ADAM28: variants seen among roughly 807,000 people sequenced by gnomAD.
The protein encoded by ADAM28 is disintegrin and metalloproteinase domain-containing protein 28.
Under a neutral mutation model 101.2 loss-of-function variants are expected in ADAM28, and 105 were observed. The ratio of observed to expected loss-of-function variants is 1.04; its 90% CI spans 0.89 to 1.22. ADAM28 has a LOEUF of 1.22. Among genes scored for constraint, ADAM28 ranks in the 50% most tolerant of loss-of-function variants. The pLI, the probability that ADAM28 is intolerant of heterozygous loss-of-function variation, is 0.00. For synonymous variants in ADAM28, 322 were observed against 310.6 expected (o/e 1.04, Z -0.39); for missense variants, 1,028 against 945.4 (o/e 1.09, Z -1.15).
At chr8:24,312,477 A>T (rs913972654) in intron 5 of ADAM28, among the ~76,000 whole-genome samples, 3 of 152,032 alleles carry the variant, frequency 2.0e-5, no homozygotes, top group Non-Finnish European at 4.4e-5. Context: ...ACGATATCCT[A>T]GTCCATCTAC....
At chr8:24,351,010 G>A (rs956903356) in intron 19 of ADAM28, among the ~76,000 whole-genome samples, 4 of 152,046 alleles carry the variant, frequency 2.6e-5, no homozygotes, top group South Asian at 2.1e-4. Context: ...TTAGAAGTCA[G>A]GGGTTTTTGG....
intron 13 of ADAM28, among the ~76,000 whole-genome samples, chr8:24,333,063 G>C (rs1275917257): frequency 1.3e-5 from 2 of 152,128 alleles, no homozygotes; most frequent in Non-Finnish European, 2.9e-5. Context: ...AAATAAGCCA[G>C]CATAGAAAGA....
rs111848719 is a variant in ADAM28 at position 24,329,884 on chromosome 8, T to A, written c.973-101T>A. The A allele has an allele frequency of 6.6e-3, 4,665 of 709,396 alleles. 57 individuals are homozygous for A. The Admixed American group carries it at 0.07, about 11-fold the overall frequency. The allele number at this position is 709,396 out of a possible 1,614,324, so 43.9% of individuals were successfully genotyped here. ...GTGTGTGTGTTTGTGTGTGTGTGTGTGTGAGAGAGAGAGAGAGAGAGAGAG... is the reference window on the plus strand; with the variant it reads ...GTGTGTGTGTTTGTGTGTGTGTGTGAGTGAGAGAGAGAGAGAGAGAGAGAG... On this transcript the variant is annotated intron_variant, in intron 10 of 22. Transcript: ENST00000265769.
intron 2 of ADAM28, among the ~76,000 whole-genome samples, chr8:24,306,384 ATTT>A (rs1809678468): frequency 1.5e-5 from 2 of 135,382 alleles, no homozygotes; most frequent in African/African-American, 2.9e-5. Context: ...ATATATATAT[ATTT>A]AAAAATATAT....
intron 2 of ADAM28, among the ~76,000 whole-genome samples, chr8:24,303,412 T>G (rs752832889): frequency 4.6e-5 from 7 of 152,210 alleles, no homozygotes; most frequent in Non-Finnish European, 8.8e-5. Context: ...TTTTTCCCAT[T>G]GCTTGTTTTT....
chr8:24,310,214 G>A lies in ADAM28; in HGVS notation c.279G>A (p.Lys93=), dbSNP rs555072557. 1.9e-6 allele frequency: 3 copies of A among 1,613,452 alleles called. No individual in the cohort carries two copies. The East Asian group carries it at 6.7e-5, about 36-fold the overall frequency. ...YTETYYNSTG[K]EITTSPQIMD... ...AAACATATTATAATTCCACTGGAAA[G>A]GAGATCACCACAAGCCCACAAATTA... The change falls in exon 4 of 23, where the codon AAG becomes AAA. Residue 93 remains lysine, a synonymous_variant. Transcript: ENST00000265769.
chr8:24,311,511 T>C (rs1407832957), intron 5 of ADAM28, 74 bp downstream of exon 5: 1 of 1,168,306 alleles, frequency 8.6e-7, no homozygotes, highest in African/African-American at 1.6e-5. Flanking sequence ...ACCAGATGAA[T>C]CCCAAATATC....
intron 2 of ADAM28, among the ~76,000 whole-genome samples, chr8:24,306,363 A>ATATATATTTAAAAAAAT (rs1563270503): frequency 9.2e-6 from 1 of 108,502 alleles, no homozygotes; most frequent in African/African-American, 3.8e-5. Context: ...TAAATAAATA[A>ATATATATTTAAAAAAAT]ATATATATAT....
At chr8:24,352,280 T>C (rs943231612) in intron 21 of ADAM28, among the ~76,000 whole-genome samples, 4 of 152,222 alleles carry the variant, frequency 2.6e-5, no homozygotes, top group African/African-American at 9.6e-5. Flanking sequence ...ATCTGCTTAA[T>C]AGAGTACCAC....
intron 10 of ADAM28, 112 bp from the exon 11 acceptor site, chr8:24,329,866 TGTTTGTG>T: frequency 1.2e-6 from 1 of 855,144 alleles, no homozygotes; most frequent in Non-Finnish European, 1.8e-6. Context: ...TGTGTGTGTG[TGTTTGTG>T]TGTGTGTGTG....
intron 2 of ADAM28, among the ~76,000 whole-genome samples, chr8:24,303,234 G>A (rs953242985): frequency 7.2e-5 from 11 of 152,088 alleles, no homozygotes; most frequent in Non-Finnish European, 1.6e-4. Flanking sequence ...TGTCCTGAAT[G>A]GTATTGCCTA....
chr8:24,305,876 T>C (rs963927637), intron 2 of ADAM28, among the ~76,000 whole-genome samples: 1 of 152,170 alleles, frequency 6.6e-6, no homozygotes, highest in South Asian at 2.1e-4. Flanking sequence ...GTTTACTTTT[T>C]AATATCTCAG....
chr8:24,346,450 G>A (rs2129334172), intron 18 of ADAM28, among the ~76,000 whole-genome samples: 1 of 152,156 alleles, frequency 6.6e-6, no homozygotes, highest in Non-Finnish European at 1.5e-5. Context: ...TTTCACAACT[G>A]TATCCCAACA....
chr8:24,327,917 C>A (rs1368650725), intron 10 of ADAM28, among the ~76,000 whole-genome samples: 1 of 152,018 alleles, frequency 6.6e-6, no homozygotes, highest in East Asian at 1.9e-4. Context: ...CATAAATACA[C>A]AATACATTGT....
At chr8:24,303,499 A>G (rs948797922) in intron 2 of ADAM28, among the ~76,000 whole-genome samples, 51 of 152,150 alleles carry the variant, frequency 3.4e-4, no homozygotes, top group Non-Finnish European at 5.6e-4. Context: ...CCATTGGTCT[A>G]TGTGTCTGTT....
intron 6 of ADAM28, among the ~76,000 whole-genome samples, chr8:24,315,697 G>C (rs995220800): frequency 2.0e-5 from 3 of 151,836 alleles, no homozygotes; most frequent in African/African-American, 7.2e-5. Flanking sequence ...CCAAGACAAA[G>C]ACGCCAAAGA....
chr8:24,302,705 T>G (rs534933320), intron 2 of ADAM28, among the ~76,000 whole-genome samples: 6 of 152,354 alleles, frequency 3.9e-5, no homozygotes, highest in African/African-American at 1.4e-4. Context: ...TGTTGAGCTT[T>G]TTTCATGTTT....
intron 8 of ADAM28, 92 bp downstream of exon 8, chr8:24,321,381 A>C: frequency 9.2e-7 from 1 of 1,081,374 alleles, no homozygotes; most frequent in Non-Finnish European, 1.4e-6. Context: ...ATGGAAGCAA[A>C]GTCAAGACAT....
intron 8 of ADAM28, chr8:24,322,757 C>A (rs1812049730): frequency 6.6e-6 from 1 of 151,970 alleles, no homozygotes; most frequent in African/African-American, 2.4e-5. Context: ...CTTTCAGTAA[C>A]TGCATTCCTT....
Sources: allele counts gnomAD v4.1 joint callset (sites outside exome capture counted in the v4.1 genomes callset), GRCh38; gene constraint gnomAD v4.1.1; transcripts MANE v1.5; gene names NCBI Gene and HGNC (gene_info 2026-07-23, HGNC 2026-07-21).